The following RAD23B variants were observed in gnomAD, a reference collection of about 807,000 sequenced individuals.
RAD23B encodes the protein RAD23 nucleotide excision repair protein B.
Under a neutral mutation model 49.1 loss-of-function variants are expected in RAD23B, and 5 were observed. The ratio of observed to expected loss-of-function variants is 0.10; its 90% CI spans 0.05 to 0.21. The LOEUF (loss-of-function observed/expected upper bound fraction) is 0.21. Ranked by LOEUF, RAD23B falls within the 10% of genes least tolerant of loss-of-function variation. The pLI, the probability that RAD23B is intolerant of heterozygous loss-of-function variation, is 1.00. For synonymous variants in RAD23B, 184 were observed against 165.4 expected, an observed-to-expected ratio of 1.11 and a Z score of -0.86; for missense variants, 356 against 486.7, an observed-to-expected ratio of 0.73 and a Z score of 2.53.
chr9:107,320,505 TG>T (rs1446906868), intron 6 of RAD23B, among the ~76,000 whole-genome samples: 1 of 152,274 alleles, frequency 6.6e-6, no homozygotes, highest in Non-Finnish European at 1.5e-5. Flanking sequence ...AGATGATACA[TG>T]AGTTCATCAA....
At chr9:107,284,636 A>G (rs574625229) in intron 1 of RAD23B, 339 of 858,320 alleles carry the variant, frequency 3.9e-4, no homozygotes, top group Non-Finnish European at 4.8e-4. Context: ...CCAAGAATCT[A>G]AAAACGCTGT....
Position 107,324,936 on chromosome 9 carries a change from G to T in RAD23B, c.1048G>T (p.Ala350Ser). ...GGGGGGSGGI[A>S]EAGSGHMNYI... ...AGGTGGAGGTGGCAGTGGAGGAATTGCAGAAGCTGGAAGTGGTCATATGAA... is the reference window on the plus strand; with the variant it reads ...AGGTGGAGGTGGCAGTGGAGGAATTTCAGAAGCTGGAAGTGGTCATATGAA... Residue 350 changes from alanine (A) to serine (S), a missense_variant, in exon 9 of 10, where the codon GCA becomes TCA. Physicochemically the swap from Ala to Ser is moderately conservative, Grantham distance 99. This residue lies in a region of RAD23B where 148 missense variants were observed against 231.7 expected (regional missense o/e 0.64). Coordinates refer to ENST00000358015, the MANE Select transcript of RAD23B (RefSeq NM_002874.5). 6.2e-7 allele frequency: 1 copy of T among 1,613,798 alleles called. No individual in the cohort carries two copies. Among genetic ancestry groups the T allele is most frequent in the Non-Finnish European group, 8.5e-7 (1 of 1,179,952 alleles).
At chr9:107,296,403 T>A (rs750606605) in intron 1 of RAD23B, among the ~76,000 whole-genome samples, 1 of 152,200 alleles carries the variant, frequency 6.6e-6, no homozygotes, top group Non-Finnish European at 1.5e-5. Context: ...TCCAGTGTGA[T>A]AGTCTATTGG....
At chr9:107,297,389 G>A (rs973559439) in intron 1 of RAD23B, among the ~76,000 whole-genome samples, 2 of 151,932 alleles carry the variant, frequency 1.3e-5, no homozygotes, top group South Asian at 4.2e-4. Flanking sequence ...ATCCAGGCTG[G>A]AGTGCAATGG....
At chr9:107,313,285 G>A (rs1826926002) in intron 5 of RAD23B, among the ~76,000 whole-genome samples, 1 of 151,880 alleles carries the variant, frequency 6.6e-6, no homozygotes, top group Non-Finnish European at 1.5e-5. Context: ...GAGTGCAGTG[G>A]CATGATCTCA....
At chr9:107,313,634 A>G (rs1246854422) in intron 5 of RAD23B, among the ~76,000 whole-genome samples, 2 of 152,268 alleles carry the variant, frequency 1.3e-5, no homozygotes, top group African/African-American at 4.8e-5. Flanking sequence ...CCATCCATAT[A>G]CTATATAGAT....
rs138844375 is a variant in RAD23B, at chr9:107,316,050, G to A, written c.554-2702G>A. ...TTTTTGGAGACAGTCTTGCTCTGTC[G>A]CCAGACTGGAGTGCAGTGGCGTGAT... On this transcript the variant is annotated intron_variant, in intron 5 of 9. Transcript: ENST00000358015. Among the ~76,000 whole-genome samples, 48 of 149,312 alleles carry A rather than the reference G, an allele frequency of 3.2e-4. No homozygotes were observed. In the East Asian group the frequency reaches 9.2e-3, roughly 29 times the overall value.
chr9:107,294,983 A>T (rs1826469059), intron 1 of RAD23B, among the ~76,000 whole-genome samples: 1 of 152,030 alleles, frequency 6.6e-6, no homozygotes, highest in Non-Finnish European at 1.5e-5. Context: ...CACACGTGAC[A>T]AGAGGAAGAT....
intron 1 of RAD23B, among the ~76,000 whole-genome samples, chr9:107,287,737 G>A (rs894610660): frequency 2.0e-5 from 3 of 151,536 alleles, no homozygotes; most frequent in African/African-American, 7.3e-5. Context: ...AGGAGGCTGA[G>A]GCAGGAGAGT....
intron 5 of RAD23B, among the ~76,000 whole-genome samples, chr9:107,313,477 G>A (rs935928972): frequency 2.0e-5 from 3 of 152,100 alleles, no homozygotes; most frequent in African/African-American, 4.8e-5. Flanking sequence ...TGCCCGCCTC[G>A]GCCTCCAAAG....
At position 107,306,563 on chromosome 9, in the gene RAD23B, C is replaced by G. The variant is rs548841376; in HGVS notation, c.413C>G (p.Ala138Gly). The change falls in exon 4 of 10, where the codon GCA becomes GGA. Residue 138 changes from alanine to glycine, a missense_variant. Around this residue, in one of 5 missense-constraint regions of RAD23B, gnomAD observed 137 missense variants for 122.0 expected, o/e 1.12. Transcript: ENST00000358015. ...TCAGCGACAGCATCTTCTGAACCTG[C>G]ACCTGCTAGTGCAGCTAAACAAGAG... The part of the protein sequence containing the change: ...PASATASSEP[A>G]PASAAKQEKP... 660 of 1,614,172 alleles carry G rather than the reference C, an allele frequency of 4.1e-4. 4 individuals are homozygous for G. In the South Asian group the frequency reaches 5.6e-3, roughly 14 times the overall value.
chr9:107,296,500 G>C (rs940429532), intron 1 of RAD23B, among the ~76,000 whole-genome samples: 4 of 152,046 alleles, frequency 2.6e-5, no homozygotes, highest in Non-Finnish European at 4.4e-5. Context: ...ATTGTGAATT[G>C]CCTGCCCAAT....
intron 1 of RAD23B, among the ~76,000 whole-genome samples, chr9:107,285,348 T>C (rs1833254966): frequency 6.6e-6 from 1 of 152,262 alleles, no homozygotes; most frequent in African/African-American, 2.4e-5. Context: ...ACTTTGGTTC[T>C]TTGTGGTAAC....
At position 107,329,883 on chromosome 9, in the gene RAD23B, C is replaced by T. The variant is rs1022480895; in HGVS notation, c.*227C>T. 2 of 307,794 alleles carry T rather than the reference C, an allele frequency of 6.5e-6. No individual in the cohort carries two copies. The highest frequency in any genetic ancestry group is 4.9e-5 in the Admixed American group (1 of 20,266). The allele number at this position is 307,794 out of a possible 1,614,324, so 19.1% of individuals were successfully genotyped here. On this transcript the variant is annotated 3_prime_UTR_variant, in exon 10 of 10. Coordinates refer to ENST00000358015, the MANE Select transcript of RAD23B (RefSeq NM_002874.5). ...CACACAGTGTGTAAAATATATACAACCAAAAATCAGCTTTTGCAGGTCTTT... is the reference window on the plus strand; with the variant it reads ...CACACAGTGTGTAAAATATATACAATCAAAAATCAGCTTTTGCAGGTCTTT...
At chr9:107,292,455 C>T (rs1312391757) in intron 1 of RAD23B, among the ~76,000 whole-genome samples, 5 of 151,936 alleles carry the variant, frequency 3.3e-5, no homozygotes, top group South Asian at 2.1e-4. Context: ...CTGAGGTGGG[C>T]GGATCACGAG....
intron 1 of RAD23B, among the ~76,000 whole-genome samples, chr9:107,294,237 T>A (rs1376050560): frequency 2.0e-5 from 3 of 152,228 alleles, no homozygotes; most frequent in Non-Finnish European, 4.4e-5. Flanking sequence ...TTTTTATTTT[T>A]AAATGCACGA....
At chr9:107,299,645 T>G (rs1826607250) in intron 1 of RAD23B, among the ~76,000 whole-genome samples, 1 of 152,224 alleles carries the variant, frequency 6.6e-6, no homozygotes, top group Non-Finnish European at 1.5e-5. Context: ...TCTCAGAGAT[T>G]ATGTTTTAAT....
intron 1 of RAD23B, among the ~76,000 whole-genome samples, chr9:107,296,568 T>C (rs1007983824): frequency 1.5e-5 from 2 of 135,092 alleles, no homozygotes; most frequent in South Asian, 2.2e-4. Flanking sequence ...CTCTCTCTCT[T>C]TTTTTTTTTC....
At chr9:107,290,838 A>G (rs1833369508) in intron 1 of RAD23B, among the ~76,000 whole-genome samples, 2 of 152,222 alleles carry the variant, frequency 1.3e-5, no homozygotes, top group South Asian at 4.1e-4. Flanking sequence ...AGCAATTTTG[A>G]ACAGTGTGTA....
Sources: allele counts gnomAD v4.1 joint callset (sites outside exome capture counted in the v4.1 genomes callset), GRCh38; gene constraint gnomAD v4.1.1; regional missense constraint gnomAD v4.1.1; transcripts MANE v1.5; gene names NCBI Gene and HGNC (gene_info 2026-07-23, HGNC 2026-07-21).